The following SRRM1 variants were observed in gnomAD, a reference collection of about 807,000 sequenced individuals.
The protein encoded by SRRM1 is serine/arginine repetitive matrix protein 1.
Under a neutral mutation model 110.2 loss-of-function variants are expected in SRRM1, and 19 were observed. The observed-to-expected ratio is 0.17, with a 90% confidence interval of 0.12 to 0.25. SRRM1 has a LOEUF of 0.25. Ranked by LOEUF, SRRM1 falls within the 10% of genes least tolerant of loss-of-function variation. The pLI is 1.00. For synonymous variants in SRRM1, 443 were observed against 414.9 expected, an observed-to-expected ratio of 1.07 and a Z score of -0.82; for missense variants, 918 against 1,145.8, an observed-to-expected ratio of 0.80 and a Z score of 2.87.
In SRRM1 at chr1:24,660,748, G is replaced by A. The variant is rs2148569663; in HGVS notation, c.1345G>A (p.Glu449Lys). 2 of 1,589,138 alleles carry A rather than the reference G, an allele frequency of 1.3e-6. No homozygotes were observed. The highest frequency in any genetic ancestry group is 1.7e-6 in the Non-Finnish European group (2 of 1,169,642). ...VTKHKGTEKR[E>K]SPSPAPKPRK... is the part of the protein sequence containing the mutation. ...AAAACATAAAGGTACTGAGAAAAGA[G>A]AATCCCCTTCACCAGCACCGAAGCC... Residue 449 changes from glutamate to lysine, a missense_variant, in exon 10 of 17, where the codon GAA (glutamate) becomes AAA (lysine). Coordinates refer to ENST00000323848, the MANE Select transcript of SRRM1 (RefSeq NM_005839.4).
Position 24,663,124 on chromosome 1 carries a change from C to T in SRRM1, c.1628+320C>T, listed in dbSNP as rs191883728. On this transcript the variant is annotated intron_variant, in intron 12 of 16. Coordinates refer to ENST00000323848, the MANE Select transcript of SRRM1 (RefSeq NM_005839.4). ...TCTCCATTAATGGTACTTAATCCAC[C>T]CAAGTAAATAATTTAGTGAATGGAA... 557 of 1,413,142 alleles carry T rather than the reference C, an allele frequency of 3.9e-4. 1 individual carries two copies. The African/African-American group carries it at 7.1e-3, about 18-fold the overall frequency. 87.5% of individuals were successfully genotyped at this position (1,413,142 alleles called of 1,614,324 possible).
intron 8 of SRRM1, chr1:24,654,421 C>A: frequency 9.0e-7 from 1 of 1,114,082 alleles, no homozygotes; most frequent in Non-Finnish European, 1.2e-6. Flanking sequence ...GTTTATGTAG[C>A]TAAATGAATT....
chr1:24,650,112 A>T (rs1027605212), intron 5 of SRRM1, 26 bp downstream of exon 5: 5 of 1,506,420 alleles, frequency 3.3e-6, no homozygotes, highest in Non-Finnish European at 3.5e-6. Context: ...TGCATAACTG[A>T]TGTTTTACAG....
At chr1:24,667,478 T>G (rs1430200355) in intron 13 of SRRM1, among the ~76,000 whole-genome samples, 1 of 152,212 alleles carries the variant, frequency 6.6e-6, no homozygotes, top group Non-Finnish European at 1.5e-5. Context: ...AATAAAACAT[T>G]GGCATCGTGT....
Position 24,654,501 on chromosome 1 carries a change from A to G in SRRM1, c.1041-354A>G, listed in dbSNP as rs544012264. On this transcript the variant is annotated intron_variant, in intron 8 of 16. Transcript: ENST00000323848. ...TCAACATTGTGTTATTAAATGGAAAATACCTTGCCCCCAAATTTTATATGC... is the reference window on the plus strand; with the variant it reads ...TCAACATTGTGTTATTAAATGGAAAGTACCTTGCCCCCAAATTTTATATGC... Among the ~76,000 whole-genome samples, 4 of 152,334 alleles carry G rather than the reference A, an allele frequency of 2.6e-5. No individual in the cohort carries two copies. The East Asian group carries it at 7.7e-4, about 29-fold the overall frequency.
intron 1 of SRRM1, among the ~76,000 whole-genome samples, chr1:24,644,626 C>T (rs1656229299): frequency 6.6e-6 from 1 of 152,258 alleles, no homozygotes; most frequent in East Asian, 1.9e-4. Flanking sequence ...CTAAGAACAA[C>T]CAGCTGTTCT....
chr1:24,646,506 G>A (rs1163762439), intron 2 of SRRM1, among the ~76,000 whole-genome samples, 161 bp from the exon 3 acceptor site: 2 of 148,352 alleles, frequency 1.3e-5, no homozygotes, highest in African/African-American at 5.0e-5. Context: ...CTGGGCAAGA[G>A]TGCAAGACTC....
chr1:24,643,732 G>A (rs1035490747), intron 1 of SRRM1: 1 of 254,212 alleles, frequency 3.9e-6, no homozygotes, highest in South Asian at 1.4e-4. Flanking sequence ...AAAGCCCTAA[G>A]GTCACTGGTG....
chr1:24,652,462 C>T lies in SRRM1; in HGVS notation c.754C>T (p.Pro252Ser). The T allele has an allele frequency of 1.3e-6, 2 of 1,594,044 alleles. No individual in the cohort carries two copies. The highest frequency in any genetic ancestry group is 1.7e-6 in the Non-Finnish European group (2 of 1,171,428). Residue 252 changes from proline to serine, a missense_variant, in exon 7 of 17, where the codon CCT becomes TCT. Transcript: ENST00000323848. ...CATTCTGAAAGTTCCCAAACCTGAA[C>T]CTATACCAGAGCCTAAAGAACCTTC... ...SDILKVPKPE[P>S]IPEPKEPSPE...
chr1:24,643,591 C>T (rs1161381043), intron 1 of SRRM1: 15 of 412,534 alleles, frequency 3.6e-5, no homozygotes, highest in Middle Eastern at 1.2e-3. Flanking sequence ...AAAATGGCGG[C>T]GGGAATGGGC....
chr1:24,667,771 A>G (rs1670717518), intron 13 of SRRM1, among the ~76,000 whole-genome samples: 1 of 152,116 alleles, frequency 6.6e-6, no homozygotes, highest in East Asian at 1.9e-4. Context: ...TAGTAATACT[A>G]AGTTATCACT....
rs760223645 is a variant in SRRM1, at chr1:24,669,339, T to G, written c.1956T>G (p.Arg652=). 1.2e-6 allele frequency: 2 copies of G among 1,614,018 alleles called. No individual in the cohort carries two copies. Among genetic ancestry groups the G allele is most frequent in the South Asian group, 2.2e-5 (2 of 91,064 alleles). Residue 652 remains arginine, a synonymous_variant, in exon 14 of 17, where the codon CGT becomes CGG. Coordinates refer to ENST00000323848, the MANE Select transcript of SRRM1 (RefSeq NM_005839.4). The part of the protein sequence containing the change: ...KQRSSPVTKR[R]SPSLSSKHRK... The stretch of plus-strand genomic sequence containing the variant: ...GAAGCTCCCCAGTCACCAAGAGACG[T>G]TCACCTTCATTATCATCCAAGCATA...
Position 24,662,819 on chromosome 1 carries a change from T to G in SRRM1, c.1628+15T>G. On this transcript the variant is annotated intron_variant, in intron 12 of 16. Transcript: ENST00000323848. ...ACTTCCCCTCGGTAACATCTTTGCT[T>G]CAGTGATGTTCACTGATGTTCTGTA... The G allele has an allele frequency of 2.5e-6, 4 of 1,613,762 alleles. No homozygotes were observed. The South Asian group carries it at 4.4e-5, about 18-fold the overall frequency.
chr1:24,651,476 C>T lies in SRRM1; in HGVS notation c.589C>T (p.His197Tyr), dbSNP rs1332002209. ...TGTCAGGAGAGAGAGAAAGCGCAGT[C>T]ATTCTCGATCTCCCCGTCACAGAAC... ...SPVRRERKRS[H>Y]SRSPRHRTKS... Residue 197 changes from histidine (H) to tyrosine (Y), a missense_variant, in exon 6 of 17, where the codon CAT becomes TAT. Transcript: ENST00000323848. 6.2e-7 allele frequency: 1 copy of T among 1,614,036 alleles called. No homozygotes were observed. The highest frequency in any genetic ancestry group is 8.5e-7 in the Non-Finnish European group (1 of 1,180,040).
chr1:24,669,979 G>A, intron 14 of SRRM1, 141 bp from the exon 15 acceptor site: 3 of 773,904 alleles, frequency 3.9e-6, no homozygotes, highest in South Asian at 1.9e-5. Context: ...ATGTAAATTG[G>A]ATATATGTTA....
At chr1:24,670,933 G>C (rs1672409956) in intron 15 of SRRM1, among the ~76,000 whole-genome samples, 1 of 152,226 alleles carries the variant, frequency 6.6e-6, no homozygotes, top group Non-Finnish European at 1.5e-5. Flanking sequence ...CCACTCTAAA[G>C]ATAGGAGAGC....
Position 24,662,710 on chromosome 1 carries a change from G to A in SRRM1, c.1534G>A (p.Val512Met), listed in dbSNP as rs1207891094. ...SEDERPKRSHVKNGEVGRRRR... is the reference protein window; with the variant it reads ...SEDERPKRSHMKNGEVGRRRR... ...AGATGAACGACCCAAGAGATCCCATGTGAAGAATGGTGAGGTTGGCAGGCG... is the reference window on the plus strand; with the variant it reads ...AGATGAACGACCCAAGAGATCCCATATGAAGAATGGTGAGGTTGGCAGGCG... Residue 512 changes from valine to methionine, a missense_variant, in exon 12 of 17, where the codon GTG (valine) becomes ATG (methionine). Val to Met is a conservative substitution (Grantham distance 21). This residue lies in a region of SRRM1 where 357 missense variants were observed against 402.9 expected (regional missense o/e 0.89). Coordinates refer to ENST00000323848, the MANE Select transcript of SRRM1 (RefSeq NM_005839.4). 1.2e-6 allele frequency: 2 copies of A among 1,614,146 alleles called. No homozygotes were observed. Among genetic ancestry groups the A allele is most frequent in the Non-Finnish European group, 1.7e-6 (2 of 1,180,032 alleles).
chr1:24,671,363 GTGT>G lies in SRRM1; in HGVS notation c.2401-18_2401-16del, dbSNP rs745915461. 6.4e-6 allele frequency: 10 copies of G among 1,566,760 alleles called. No individual in the cohort carries two copies. The South Asian group carries it at 8.2e-5, about 13-fold the overall frequency. ...TAATCAGATTGATTATAAATGCTGG[GTGT>G]TGTTTTTTTTTCTTCCTAGAATTCA... On this transcript the variant is annotated intron_variant, in intron 15 of 16. Transcript: ENST00000323848.
At position 24,645,929 on chromosome 1, in the gene SRRM1, A is replaced by G. The variant is rs374176521; in HGVS notation, c.22-55A>G. The G allele has an allele frequency of 4.0e-5, 60 of 1,483,900 alleles. No homozygotes were observed. The African/African-American group carries it at 7.4e-4, about 18-fold the overall frequency. The allele number at this position is 1,483,900 out of a possible 1,614,324, so 91.9% of individuals were successfully genotyped here. A position where few individuals can be genotyped will look rare whatever the true frequency, so the allele number is the denominator to read the frequency against. On this transcript the variant is annotated intron_variant, in intron 1 of 16. Transcript: ENST00000323848. ...TTGGCTATAAAGGTCGTAGGTGATA[A>G]AAAGTAAGGATTTAACTTTGAACCC...
Sources: allele counts gnomAD v4.1 joint callset (sites outside exome capture counted in the v4.1 genomes callset), GRCh38; gene constraint gnomAD v4.1.1; regional missense constraint gnomAD v4.1.1; transcripts MANE v1.5; gene names NCBI Gene and HGNC (gene_info 2026-07-23, HGNC 2026-07-21).